RAP1A: variants seen among roughly 807,000 people sequenced by gnomAD.
RAP1A encodes ras-related protein Rap-1A.
A neutral mutation model predicts 26.4 loss-of-function variants in RAP1A; 6 were observed. That is an observed-to-expected ratio of 0.23 (90% CI 0.12 to 0.45). RAP1A has a LOEUF of 0.45. RAP1A is among the 20% of genes least tolerant of loss of function. The pLI is 0.99. For synonymous variants in RAP1A, 73 were observed against 79.4 expected (o/e 0.92, Z 0.43); for missense variants, 121 against 217.2 (o/e 0.56, Z 2.78).
intron 1 of RAP1A, among the ~76,000 whole-genome samples, chr1:111,689,064 G>T (rs1240527425): frequency 6.6e-6 from 1 of 151,958 alleles, no homozygotes; most frequent in African/African-American, 2.4e-5. Flanking sequence ...TCTAATTCCT[G>T]GCCTCAAGTG....
At chr1:111,592,878 G>A (rs1014638888) in intron 1 of RAP1A, among the ~76,000 whole-genome samples, 1 of 152,084 alleles carries the variant, frequency 6.6e-6, no homozygotes, top group Non-Finnish European at 1.5e-5. Flanking sequence ...TGGCTCTTCT[G>A]AGTAAAGTGG....
intron 1 of RAP1A, among the ~76,000 whole-genome samples, chr1:111,589,485 T>G (rs981868826): frequency 1.3e-5 from 2 of 152,152 alleles, no homozygotes; most frequent in Non-Finnish European, 2.9e-5. Flanking sequence ...CAGCACTAAA[T>G]CTACATTCAA....
chr1:111,659,296 A>G (rs1660558567), intron 1 of RAP1A, among the ~76,000 whole-genome samples: 1 of 152,238 alleles, frequency 6.6e-6, no homozygotes, highest in Non-Finnish European at 1.5e-5. Flanking sequence ...ACCTAATAAT[A>G]GAACAATTCT....
chr1:111,560,858 C>A (rs13376212), intron 1 of RAP1A, among the ~76,000 whole-genome samples: 29,701 of 152,106 alleles, frequency 0.2, 5,070 homozygotes, highest in East Asian at 0.48. Context: ...TCTCCATCCT[C>A]CCAAATCCTT....
chr1:111,692,809 A>T (rs999984317), intron 2 of RAP1A, among the ~76,000 whole-genome samples: 1 of 152,294 alleles, frequency 6.6e-6, no homozygotes, highest in Non-Finnish European at 1.5e-5. Context: ...GATACCTGTA[A>T]AATCATAGAG....
chr1:111,618,385 G>A (rs1659060489), upstream of RAP1A, among the ~76,000 whole-genome samples: 1 of 152,104 alleles, frequency 6.6e-6, no homozygotes, highest in African/African-American at 2.4e-5. Flanking sequence ...CAATTATCTT[G>A]TTTTCCAACG....
chr1:111,569,343 T>A (rs4839146), intron 1 of RAP1A, among the ~76,000 whole-genome samples: 49,335 of 148,798 alleles, frequency 0.33, 8,473 homozygotes, highest in African/African-American at 0.4. Flanking sequence ...AGGTTGCAGT[T>A]AGCCGAGATC....
At chr1:111,688,044 A>AAT (rs1661543218) in intron 1 of RAP1A, among the ~76,000 whole-genome samples, 1 of 149,428 alleles carries the variant, frequency 6.7e-6, no homozygotes, top group African/African-American at 2.4e-5. Context: ...AAAAAAAAAA[A>AAT]AAAAAGACTT....
intron 1 of RAP1A, among the ~76,000 whole-genome samples, chr1:111,594,083 C>A (rs1033159570): frequency 6.6e-6 from 1 of 152,160 alleles, no homozygotes; most frequent in Non-Finnish European, 1.5e-5. Context: ...CTTGACCCTG[C>A]AGTGGGGGCT....
At chr1:111,558,410 C>T (rs1194073555) in intron 1 of RAP1A, among the ~76,000 whole-genome samples, 1 of 151,700 alleles carries the variant, frequency 6.6e-6, no homozygotes, top group African/African-American at 2.4e-5. Flanking sequence ...TGGTCTTGAA[C>T]TCCTGGGCTC....
chr1:111,599,571 A>G (rs1179054174), intron 1 of RAP1A: 3 of 152,152 alleles, frequency 2.0e-5, no homozygotes, highest in Non-Finnish European at 2.9e-5. Context: ...TTCTCCCCAG[A>G]TGTTGGGGGT....
chr1:111,664,415 A>G (rs1224085675), intron 1 of RAP1A, among the ~76,000 whole-genome samples: 6 of 150,370 alleles, frequency 4.0e-5, no homozygotes, highest in Non-Finnish European at 8.9e-5. Flanking sequence ...ACAAAACCAC[A>G]TATGTACTAA....
Position 111,703,476 on chromosome 1 carries a change from T to C in RAP1A, c.324T>C (p.Asp108=), listed in dbSNP as rs781449201. 3.8e-6 allele frequency: 6 copies of C among 1,579,378 alleles called. No homozygotes were observed. Among genetic ancestry groups the C allele is most frequent in the Non-Finnish European group, 5.1e-6 (6 of 1,166,256 alleles). ...EQILRVKDTE[D]VPMILVGNKC... is the part of the protein sequence containing the mutation. Reference sequence around the variant, plus strand: ...TTTTACGGGTTAAGGACACGGAAGATGTAAGTATTTTTTCTCTCTGTAAGA... The same window carrying C: ...TTTTACGGGTTAAGGACACGGAAGACGTAAGTATTTTTTCTCTCTGTAAGA... The change falls in exon 5 of 8, where the codon GAT becomes GAC. Residue 108 remains aspartate (D), a splice_region_variant and synonymous_variant. Transcript: ENST00000369709.
At position 111,654,602 on chromosome 1, in the gene RAP1A, T is replaced by C. The variant is rs150930733; in HGVS notation, c.-28+34668T>C. On this transcript the variant is annotated intron_variant, in intron 1 of 7. Coordinates refer to ENST00000369709, the MANE Select transcript of RAP1A (RefSeq NM_002884.4). ...AATAATATTATAGAATTGTTTTAAA[T>C]AAATTGACTAAAAGTAAAATTCTTA... 2.9e-3 allele frequency among the ~76,000 whole-genome samples: 438 copies of C among 152,214 alleles called. 1 individual carries two copies. The highest frequency in any genetic ancestry group is 5.1e-3 in the Non-Finnish European group (349 of 68,014).
intron 1 of RAP1A, among the ~76,000 whole-genome samples, chr1:111,666,155 C>T (rs1660790394): frequency 6.6e-6 from 1 of 152,106 alleles, no homozygotes; most frequent in Admixed American, 6.6e-5. Context: ...TTGTTGAAGT[C>T]TTCAAAACAG....
chr1:111,679,195 A>G (rs2101203304), intron 1 of RAP1A, among the ~76,000 whole-genome samples: 1 of 152,310 alleles, frequency 6.6e-6, no homozygotes, highest in East Asian at 1.9e-4. Context: ...TACCCAGTTC[A>G]TCTCACTGGG....
chr1:111,542,729 C>T (rs1030100038), intron 1 of RAP1A, among the ~76,000 whole-genome samples: 2 of 151,880 alleles, frequency 1.3e-5, no homozygotes, highest in Admixed American at 1.3e-4. Flanking sequence ...TGGAGTCTCA[C>T]CCTGTCACCC....
rs1467951401 is a variant in RAP1A at position 111,710,876 on chromosome 1, A to G, written c.*30-1555A>G. ...GAGACGGAGTCTCGCCTTGTCACCC[A>G]GGCTGGAGTACAGTGGCACACTCTG... On this transcript the variant is annotated intron_variant, in intron 7 of 7. Transcript: ENST00000369709. Among the ~76,000 whole-genome samples, 4 of 152,192 alleles carry G rather than the reference A, an allele frequency of 2.6e-5. No individual in the cohort carries two copies. In the East Asian group the frequency reaches 7.7e-4, roughly 29 times the overall value.
intron 1 of RAP1A, among the ~76,000 whole-genome samples, chr1:111,594,061 C>T (rs6537711): frequency 0.034 from 5,226 of 152,232 alleles, 137 homozygotes; most frequent in Non-Finnish European, 0.051. Context: ...CCTCCAGCAA[C>T]GTTTCACTTC....
Sources: gnomAD v4.1 joint callset for allele counts (sites outside exome capture counted in the v4.1 genomes callset) on GRCh38, gnomAD v4.1.1 for gene constraint, MANE v1.5 for transcripts, NCBI Gene and HGNC (gene_info 2026-07-23, HGNC 2026-07-21) for gene names.